RNF31: variants seen among roughly 807,000 people sequenced by gnomAD.
RNF31 encodes the protein E3 ubiquitin-protein ligase RNF31.
Under a neutral mutation model 133.6 loss-of-function variants are expected in RNF31, and 38 were observed. The observed-to-expected ratio is 0.28, with a 90% confidence interval of 0.22 to 0.37. The LOEUF (loss-of-function observed/expected upper bound fraction) is 0.37, where lower values mean the gene tolerates loss of function less well. Ranked by LOEUF, RNF31 falls within the 10% of genes least tolerant of loss-of-function variation. The pLI, the probability that RNF31 is intolerant of heterozygous loss-of-function variation, is 1.00. For missense variants in RNF31, 1,118 were observed against 1,394.1 expected (o/e 0.80, Z 3.15); for synonymous variants, 582 against 552.3 (o/e 1.05, Z -0.75).
In RNF31 at chr14:24,160,247, A is replaced by G. The variant is rs1274938757; in HGVS notation, c.3005A>G (p.Tyr1002Cys). The G allele has an allele frequency of 6.2e-7, 1 of 1,613,540 alleles. No homozygotes were observed. The highest frequency in any genetic ancestry group is 1.1e-5 in the South Asian group (1 of 91,086). The stretch of plus-strand genomic sequence containing the variant: ...CTCCCTTTTCTCCCCAGGGCACACT[A>G]CAAAGAGTATCTTGTGAGCCTCATC... Reference protein sequence around the residue: ...AGYAGLCQAHYKEYLVSLINA... With the variant: ...AGYAGLCQAHCKEYLVSLINA... Residue 1002 changes from tyrosine (Y) to cysteine (C), a missense_variant, in exon 20 of 21, where the codon TAC (tyrosine) becomes TGC (cysteine). By Grantham distance (194) the Tyr-to-Cys change is radical (BLOSUM62 -2). Around this residue, in one of 3 missense-constraint regions of RNF31, gnomAD observed 170 missense variants for 194.5 expected, o/e 0.87. Transcript: ENST00000324103. The surrounding 1 kb of genome is among the most constrained non-coding windows in gnomAD (Gnocchi z 4.0).
Position 24,155,765 on chromosome 14 carries a change from T to C in RNF31, c.2493+73T>C, listed in dbSNP as rs777073969. On this transcript the variant is annotated intron_variant, in intron 14 of 20. Coordinates refer to ENST00000324103, the MANE Select transcript of RNF31 (RefSeq NM_017999.5). This position sits in a 1 kb window ranked among gnomAD's most constrained non-coding sequence, Gnocchi z 4.9. ...GTACTGTGTTAGACTCAGGGGAGTT[T>C]GTGTACTGGAGAGCAAAACAGACAT... 443 of 1,369,558 alleles carry C rather than the reference T, an allele frequency of 3.2e-4. No individual in the cohort carries two copies. The highest frequency in any genetic ancestry group is 4.4e-4 in the Non-Finnish European group (420 of 964,368). 84.8% of individuals were successfully genotyped at this position (1,369,558 alleles called of 1,614,324 possible).
intron 11 of RNF31, among the ~76,000 whole-genome samples, chr14:24,152,922 A>C (rs1028750115): frequency 2.0e-5 from 3 of 151,786 alleles, no homozygotes; most frequent in Non-Finnish European, 2.9e-5. Flanking sequence ...TGTACTAAAA[A>C]TGTAAAAAAT....
At chr14:24,157,677 G>A in intron 16 of RNF31, 39 bp downstream of exon 16, 3 of 1,561,462 alleles carry the variant, frequency 1.9e-6, no homozygotes, top group Non-Finnish European at 2.6e-6. Context: ...GAAGGGTGGG[G>A]GGTGCCATTG....
upstream of RNF31, chr14:24,147,203 G>C (rs1352888092): frequency 2.5e-5 from 4 of 161,220 alleles, no homozygotes; most frequent in African/African-American, 9.6e-5. Context: ...GAGGCCCGGA[G>C]CGTACCGGAC....
At position 24,151,936 on chromosome 14, in the gene RNF31, C is replaced by T. The variant is rs1193178966; in HGVS notation, c.2074C>T (p.Arg692Cys). 7 of 1,614,066 alleles carry T rather than the reference C, an allele frequency of 4.3e-6. No homozygotes were observed. Among genetic ancestry groups the T allele is most frequent in the Admixed American group, 3.3e-5 (2 of 60,008 alleles). Residue 692 changes from arginine to cysteine, a missense_variant, in exon 11 of 21, where the codon CGC (arginine) becomes TGC (cysteine). Physicochemically the swap from Arg to Cys is radical, Grantham distance 180 (BLOSUM62 -3). Transcript: ENST00000324103. This position sits in a 1 kb window ranked among gnomAD's most constrained non-coding sequence, Gnocchi z 5.3. The part of the protein sequence containing the change: ...VRHSQDRAFL[R>C]RLLAQECAVC... ...GCACAGCCAGGACCGGGCCTTCCTG[C>T]GCCGCTTGCTTGCCCAGGAGTGTGC... is the stretch of plus-strand genomic sequence containing the variant.
In RNF31 at chr14:24,148,681, G is replaced by A. The variant is rs771114177; in HGVS notation, c.535G>A (p.Glu179Lys). The change falls in exon 4 of 21, where the codon GAA (glutamate) becomes AAA (lysine). Residue 179 changes from glutamate (E) to lysine (K), a missense_variant. Transcript: ENST00000324103. ...ACAGCAGGCACTGGAGCAGCTGTTG[G>A]AAGACAAGGTTGAAGATGATGTAAG... ...PRQQALEQLL[E>K]DKVEDDMLQL... The A allele has an allele frequency of 1.1e-5, 18 of 1,614,232 alleles. No homozygotes were observed. Among genetic ancestry groups the A allele is most frequent in the Non-Finnish European group, 1.5e-5 (18 of 1,180,046 alleles).
At chr14:24,156,173 G>A (rs150370230) in intron 14 of RNF31, among the ~76,000 whole-genome samples, 2,654 of 152,310 alleles carry the variant, frequency 0.017, 288 homozygotes, top group Admixed American at 0.16. Context: ...AAAGCAAGGC[G>A]GGAATGGCAG....
In RNF31 at chr14:24,148,240, C is replaced by G; in HGVS notation, c.340-18C>G. 6.2e-7 allele frequency: 1 copy of G among 1,614,034 alleles called. No homozygotes were observed. The highest frequency in any genetic ancestry group is 8.5e-7 in the Non-Finnish European group (1 of 1,179,978). The stretch of plus-strand genomic sequence containing the variant: ...GCAGGAAACCTCCTGGGTGGTGACT[C>G]GTTTGAATGTGTGGCAGGGGGGCCG... On this transcript the variant is annotated intron_variant, in intron 2 of 20. Coordinates refer to ENST00000324103, the MANE Select transcript of RNF31 (RefSeq NM_017999.5).
chr14:24,148,496 G>GT lies in RNF31; in HGVS notation c.495+84dup, dbSNP rs770051461. On this transcript the variant is annotated intron_variant, in intron 3 of 20. Transcript: ENST00000324103. ...AACTCAAGTAAGTTTGAGGACCCCC[G>GT]TGCTGCTGAACTATGGGCATAGTTC... The GT allele has an allele frequency of 3.1e-6, 5 of 1,607,808 alleles. No individual in the cohort carries two copies. In the Admixed American group the frequency reaches 8.4e-5, roughly 27 times the overall value.
rs2038195225 is a variant in RNF31, at chr14:24,147,900, G to A, written c.192+10G>A. The stretch of plus-strand genomic sequence containing the variant: ...CAACGCTCATGGGGAGGTGAGGCCC[G>A]GCCCCGCTTGGAAGGGGGACACCAG... On this transcript the variant is annotated intron_variant, in intron 1 of 20. Transcript: ENST00000324103. 6.2e-7 allele frequency: 1 copy of A among 1,612,068 alleles called. No homozygotes were observed. Among genetic ancestry groups the A allele is most frequent in the African/African-American group, 1.3e-5 (1 of 75,022 alleles).
chr14:24,150,471 T>C (rs1486463188), intron 7 of RNF31, 23 bp downstream of exon 7: 2 of 1,594,474 alleles, frequency 1.3e-6, no homozygotes, highest in East Asian at 2.2e-5. Context: ...CCCAGCTCTT[T>C]ATCGTGTGTT....
chr14:24,151,905 T>A lies in RNF31; in HGVS notation c.2043T>A (p.Ala681=). 6.2e-7 allele frequency: 1 copy of A among 1,614,206 alleles called. No homozygotes were observed. Among genetic ancestry groups the A allele is most frequent in the Non-Finnish European group, 8.5e-7 (1 of 1,180,026 alleles). ...RNYELGDVVE[A]VRHSQDRAFL... ...ATGAGTTGGGGGATGTGGTAGAAGCTGTGAGGCACAGCCAGGACCGGGCCT... is the reference window on the plus strand; with the variant it reads ...ATGAGTTGGGGGATGTGGTAGAAGCAGTGAGGCACAGCCAGGACCGGGCCT... The change falls in exon 11 of 21, where the codon GCT becomes GCA. Residue 681 remains alanine (A), a synonymous_variant. Coordinates refer to ENST00000324103, the MANE Select transcript of RNF31 (RefSeq NM_017999.5). The surrounding 1 kb of genome is among the most constrained non-coding windows in gnomAD (Gnocchi z 5.3).
chr14:24,158,476 T>C (rs1594384048), intron 18 of RNF31: 1 of 510,252 alleles, frequency 2.0e-6, no homozygotes, highest in African/African-American at 1.9e-5. Flanking sequence ...AATTAATTAA[T>C]TAGTTCAATG....
chr14:24,149,088 C>G, intron 5 of RNF31: 1 of 611,500 alleles, frequency 1.6e-6, no homozygotes, highest in Non-Finnish European at 2.9e-6. Flanking sequence ...CTCAGCCTCC[C>G]GAGTAGCTGG....
intron 11 of RNF31, among the ~76,000 whole-genome samples, chr14:24,153,432 C>T (rs1182994412): frequency 6.6e-6 from 1 of 151,958 alleles, no homozygotes; most frequent in Non-Finnish European, 1.5e-5. Context: ...CAAAAATTAG[C>T]CAGGCGTGGT....
At position 24,155,092 on chromosome 14, in the gene RNF31, T is replaced by G. The variant is rs1348439725; in HGVS notation, c.2131-65T>G. ...GATTTCTTAGTGGACACCTGGCCAC[T>G]GCCTCTTCCCTAGCCTGGCAGCTGT... On this transcript the variant is annotated intron_variant, in intron 11 of 20. Transcript: ENST00000324103. The surrounding 1 kb of genome is among the most constrained non-coding windows in gnomAD (Gnocchi z 4.9). The G allele has an allele frequency of 3.3e-6, 5 of 1,524,316 alleles. No individual in the cohort carries two copies. The South Asian group carries it at 5.9e-5, about 18-fold the overall frequency. 94.4% of individuals were successfully genotyped at this position (1,524,316 alleles called of 1,614,324 possible).
Position 24,151,752 on chromosome 14 carries a change from A to G in RNF31, c.1924-34A>G, listed in dbSNP as rs765970154. 10 of 1,600,086 alleles carry G rather than the reference A, an allele frequency of 6.2e-6. No individual in the cohort carries two copies. The Admixed American group carries it at 1.2e-4, about 19-fold the overall frequency. On this transcript the variant is annotated intron_variant, in intron 10 of 20. Coordinates refer to ENST00000324103, the MANE Select transcript of RNF31 (RefSeq NM_017999.5). This position sits in a 1 kb window ranked among gnomAD's most constrained non-coding sequence, Gnocchi z 5.3. ...AGGGGAAGGGTCCCTGGAGTCTGAC[A>G]GCACTTCCCCCCTCCACCTGAATCA...
chr14:24,155,372 A>G lies in RNF31; in HGVS notation c.2304+42A>G. The stretch of plus-strand genomic sequence containing the variant: ...AGGACTCAGGTACCCTGAGCTTTGA[A>G]CAGGGACCCTCCCACCCACCACCTC... On this transcript the variant is annotated intron_variant, in intron 12 of 20. Transcript: ENST00000324103. The surrounding 1 kb of genome is among the most constrained non-coding windows in gnomAD (Gnocchi z 4.9). 6.2e-7 allele frequency: 1 copy of G among 1,613,956 alleles called. No homozygotes were observed. Among genetic ancestry groups the G allele is most frequent in the Non-Finnish European group, 8.5e-7 (1 of 1,179,834 alleles).
At chr14:24,159,352 C>CA (rs777764741) in intron 18 of RNF31, among the ~76,000 whole-genome samples, 2,834 of 54,034 alleles carry the variant, frequency 0.052, 162 homozygotes, top group African/African-American at 0.12. Flanking sequence ...AACTCCATCT[C>CA]AAAAAAAAAA....
Sources: allele counts gnomAD v4.1 joint callset (sites outside exome capture counted in the v4.1 genomes callset), GRCh38; gene constraint gnomAD v4.1.1; regional missense constraint gnomAD v4.1.1; non-coding constraint Gnocchi (gnomAD v3.1); transcripts MANE v1.5; gene names NCBI Gene and HGNC (gene_info 2026-07-23, HGNC 2026-07-21).